The following PACS1 variants were observed in gnomAD, a reference collection of about 807,000 sequenced individuals.
PACS1 encodes PACS-1.
Under a neutral mutation model 115.0 loss-of-function variants are expected in PACS1, and 24 were observed. That is an observed-to-expected ratio of 0.21 (90% CI 0.15 to 0.29). The LOEUF is 0.29. Ranked by LOEUF, PACS1 falls within the 10% of genes least tolerant of loss-of-function variation. The pLI, the probability that PACS1 is intolerant of heterozygous loss-of-function variation, is 1.00. For missense variants in PACS1, 838 were observed against 1,251.2 expected, an observed-to-expected ratio of 0.67 and a Z score of 4.98; for synonymous variants, 453 against 504.5, an observed-to-expected ratio of 0.90 and a Z score of 1.37.
intron 1 of PACS1, among the ~76,000 whole-genome samples, chr11:66,097,872 C>A (rs1590742124): frequency 1.3e-5 from 2 of 152,212 alleles, no homozygotes; most frequent in East Asian, 3.9e-4. Context: ...CTGTTCAAGT[C>A]TTTTTCTTAT....
chr11:66,133,639 AC>A (rs1211470251), intron 1 of PACS1, among the ~76,000 whole-genome samples: 1 of 152,148 alleles, frequency 6.6e-6, no homozygotes, highest in Non-Finnish European at 1.5e-5. Context: ...GGTAGCAGGA[AC>A]TATAGGCACA....
intron 1 of PACS1, among the ~76,000 whole-genome samples, chr11:66,125,324 C>T (rs1252923989): frequency 2.0e-5 from 3 of 152,226 alleles, no homozygotes; most frequent in South Asian, 2.1e-4. Flanking sequence ...TCAATTAATG[C>T]GTAGACCAAA....
intron 4 of PACS1, among the ~76,000 whole-genome samples, chr11:66,213,561 TG>T (rs983558461): frequency 4.6e-5 from 7 of 152,244 alleles, no homozygotes; most frequent in Middle Eastern, 3.2e-3. Context: ...CAGACAGAGC[TG>T]AGAAAGATCT....
rs1486961410 is a variant in PACS1, at chr11:66,095,114, G to A, written c.356+24272G>A. On this transcript the variant is annotated intron_variant, in intron 1 of 23. Coordinates refer to ENST00000320580, the MANE Select transcript of PACS1 (RefSeq NM_018026.4). ...CATACTGAATGGGCAAAAACTGGAA[G>A]CATTCCCTTTGAAAACTGGCATAAG... Among the ~76,000 whole-genome samples, 11 of 150,544 alleles carry A rather than the reference G, an allele frequency of 7.3e-5. No individual in the cohort carries two copies. In the South Asian group the frequency reaches 2.1e-3, roughly 29 times the overall value.
At chr11:66,096,411 G>A (rs146494707) in intron 1 of PACS1, among the ~76,000 whole-genome samples, 1 of 151,258 alleles carries the variant, frequency 6.6e-6, no homozygotes, top group East Asian at 2.0e-4. Context: ...GTATTTCATT[G>A]AAACATGATA....
chr11:66,198,053 T>C (rs1854688173), intron 2 of PACS1, among the ~76,000 whole-genome samples: 3 of 152,186 alleles, frequency 2.0e-5, no homozygotes, highest in Non-Finnish European at 4.4e-5. Flanking sequence ...GAATGTAAAA[T>C]AATGCAGCCA....
chr11:66,239,738 A>G (rs759094425), intron 21 of PACS1, among the ~76,000 whole-genome samples: 1 of 152,244 alleles, frequency 6.6e-6, no homozygotes, highest in Non-Finnish European at 1.5e-5. Context: ...CTTGGGAAAT[A>G]AAACACACGT....
At chr11:66,162,177 A>G (rs1381142669) in intron 1 of PACS1, among the ~76,000 whole-genome samples, 1 of 118,508 alleles carries the variant, frequency 8.4e-6, no homozygotes, top group African/African-American at 3.3e-5. Flanking sequence ...GCTGGCATGC[A>G]GTGGTGTGAT....
At chr11:66,110,911 T>C (rs1858173563) in intron 1 of PACS1, among the ~76,000 whole-genome samples, 1 of 152,200 alleles carries the variant, frequency 6.6e-6, no homozygotes, top group African/African-American at 2.4e-5. Context: ...CAAAACTTTC[T>C]TCCCTACCAA....
At chr11:66,192,683 A>G (rs1033541945) in intron 1 of PACS1, among the ~76,000 whole-genome samples, 2 of 152,224 alleles carry the variant, frequency 1.3e-5, no homozygotes, top group African/African-American at 4.8e-5. Context: ...CCAGGAGAAG[A>G]ATGTGTAAAG....
rs570272493 is a variant in PACS1 at position 66,077,214 on chromosome 11, A to G, written c.356+6372A>G. 2.4e-4 allele frequency among the ~76,000 whole-genome samples: 37 copies of G among 152,334 alleles called. No individual in the cohort carries two copies. In the South Asian group the frequency reaches 6.8e-3, roughly 28 times the overall value. On this transcript the variant is annotated intron_variant, in intron 1 of 23. Coordinates refer to ENST00000320580, the MANE Select transcript of PACS1 (RefSeq NM_018026.4). ...CTCTTGACCTTGGGAATCGCAGTAG[A>G]ACAGACAGCTAACCAATGAAACACA...
At chr11:66,186,401 A>T (rs908536739) in intron 1 of PACS1, among the ~76,000 whole-genome samples, 1 of 152,100 alleles carries the variant, frequency 6.6e-6, no homozygotes, top group Admixed American at 6.5e-5. Context: ...CTTAAGGCCT[A>T]TGTACTTCTT....
In PACS1 at chr11:66,070,407, CCCGCCG is replaced by C; in HGVS notation, c.-69_-64del. On this transcript the variant is annotated 5_prime_UTR_variant, in exon 1 of 24. Coordinates refer to ENST00000320580, the MANE Select transcript of PACS1 (RefSeq NM_018026.4). The surrounding 1 kb of genome is among the most constrained non-coding windows in gnomAD (Gnocchi z 5.9). ...GGCGGGCTGAGGAGGCTGCCGCGCC[CCCGCCG>C]CCGCCGCCGCGGGGGAAGCCTGGGA... 1.1e-6 allele frequency: 1 copy of C among 903,102 alleles called. No homozygotes were observed. Among genetic ancestry groups the C allele is most frequent in the Non-Finnish European group, 1.4e-6 (1 of 700,984 alleles). 55.9% of individuals were successfully genotyped at this position (903,102 alleles called of 1,614,324 possible). A position where few individuals can be genotyped will look rare whatever the true frequency, so the allele number is the denominator to read the frequency against.
At chr11:66,102,716 C>T (rs113675462) in intron 1 of PACS1, among the ~76,000 whole-genome samples, 58 of 152,232 alleles carry the variant, frequency 3.8e-4, no homozygotes, top group African/African-American at 1.3e-3. Flanking sequence ...ACTGCTCTCC[C>T]CATGCCCCAC....
At chr11:66,154,691 C>T (rs768629452) in intron 1 of PACS1, among the ~76,000 whole-genome samples, 1 of 152,058 alleles carries the variant, frequency 6.6e-6, no homozygotes, top group Non-Finnish European at 1.5e-5. Flanking sequence ...CTGAAAACTA[C>T]AAAATATTAG....
intron 2 of PACS1, among the ~76,000 whole-genome samples, chr11:66,201,047 C>T (rs1328914071): frequency 2.6e-5 from 4 of 151,924 alleles, no homozygotes; most frequent in Non-Finnish European, 4.4e-5. Context: ...GGTGACAGCC[C>T]GTCTGCCCTA....
rs1162472902 is a variant in PACS1, at chr11:66,134,254, C to CTTTTTTTTTTTTTTTTTTTTTTTTTTT, written c.357-59207_357-59206insTTTTTTTTTTTTTTTTTTTTTTTTTTT. On this transcript the variant is annotated intron_variant, in intron 1 of 23. Coordinates refer to ENST00000320580, the MANE Select transcript of PACS1 (RefSeq NM_018026.4). ...TAAATTTCTTTTTCTTTTTCTTTTT[C>CTTTTTTTTTTTTTTTTTTTTTTTTTTT]TTTTTTTTTTTTTTTTTTTTTTTTT... Among the ~76,000 whole-genome samples, 3 of 75,064 alleles carry CTTTTTTTTTTTTTTTTTTTTTTTTTTT rather than the reference C, an allele frequency of 4.0e-5. 1 individual carries two copies. Among genetic ancestry groups the CTTTTTTTTTTTTTTTTTTTTTTTTTTT allele is most frequent in the Admixed American group, 4.8e-4 (2 of 4,206 alleles). The allele number at this position is 75,064 out of a possible 152,430, so 49.2% of individuals were successfully genotyped here. A position where few individuals can be genotyped will look rare whatever the true frequency, so the allele number is the denominator to read the frequency against.
At chr11:66,210,543 C>T in intron 3 of PACS1, 92 bp downstream of exon 3, 2 of 939,158 alleles carry the variant, frequency 2.1e-6, no homozygotes, top group Non-Finnish European at 3.4e-6. Context: ...TATCCCAGAG[C>T]CCCCATTCCC....
intron 1 of PACS1, among the ~76,000 whole-genome samples, chr11:66,153,385 C>T (rs1859287538): frequency 6.6e-6 from 1 of 152,180 alleles, no homozygotes; most frequent in Non-Finnish European, 1.5e-5. Context: ...TGGCTCACAC[C>T]TGTAATCTCA....
Sources: gnomAD v4.1 joint callset for allele counts (sites outside exome capture counted in the v4.1 genomes callset) on GRCh38, gnomAD v4.1.1 for gene constraint, Gnocchi (gnomAD v3.1) non-coding constraint, MANE v1.5 for transcripts, NCBI Gene and HGNC (gene_info 2026-07-23, HGNC 2026-07-21) for gene names.